Variants in LRBA observed in about 807,000 individuals in gnomAD.
LRBA encodes the protein lipopolysaccharide-responsive and beige-like anchor protein.
LRBA carries 176 observed loss-of-function variants against 330.0 expected under a neutral mutation model. The observed-to-expected ratio is 0.53, with a 90% CI of 0.47 to 0.60. LRBA has a LOEUF of 0.60. Among genes scored for constraint, LRBA ranks in the 20% least tolerant of loss-of-function variants. The pLI is 0.00. For missense variants in LRBA, 3,259 were observed against 3,444.8 expected (o/e 0.95, Z 1.35); for synonymous variants, 1,230 against 1,193.0 (o/e 1.03, Z -0.64).
At chr4:150,458,259 C>G (rs929930581) in intron 44 of LRBA, among the ~76,000 whole-genome samples, 1 of 151,874 alleles carries the variant, frequency 6.6e-6, no homozygotes, top group African/African-American at 2.4e-5. Context: ...AAAAGCAAAA[C>G]TTCAACAAAT....
intron 40 of LRBA, among the ~76,000 whole-genome samples, chr4:150,518,006 T>G (rs1267754197): frequency 6.6e-6 from 1 of 152,208 alleles, no homozygotes; most frequent in African/African-American, 2.4e-5. Context: ...TCTTCACAAT[T>G]TTATAGATAA....
intron 34 of LRBA, among the ~76,000 whole-genome samples, chr4:150,773,680 C>T (rs1578737087): frequency 6.6e-6 from 1 of 152,282 alleles, no homozygotes; most frequent in South Asian, 2.1e-4. Context: ...CCACCTGGGG[C>T]CTTTCCCATC....
intron 47 of LRBA, among the ~76,000 whole-genome samples, chr4:150,385,217 A>T (rs999089767): frequency 2.6e-5 from 4 of 151,526 alleles, no homozygotes; most frequent in African/African-American, 9.7e-5. Context: ...TTTTTCCCAC[A>T]TCACAGATCA....
In LRBA at chr4:151,014,836, C is replaced by T; in HGVS notation, c.-194G>A. ...GGAGAATATTTGTCCAATCTCTCTC[C>T]CCGAGGCTGACAACAACGCCAAACC... On this transcript the variant is annotated 5_prime_UTR_variant, in exon 2 of 57. Coordinates refer to ENST00000651943, the MANE Select transcript of LRBA (RefSeq NM_001364905.1). 1 of 560,926 alleles carries T rather than the reference C, an allele frequency of 1.8e-6. No individual in the cohort carries two copies. 34.7% of individuals were successfully genotyped at this position (560,926 alleles called of 1,614,324 possible).
At chr4:150,623,345 G>T (rs991557350) in intron 37 of LRBA, among the ~76,000 whole-genome samples, 2 of 152,106 alleles carry the variant, frequency 1.3e-5, no homozygotes, top group Non-Finnish European at 2.9e-5. Context: ...AATCTGACAA[G>T]ATTGCAGCAC....
At chr4:150,903,448 T>C (rs1225794066) in intron 13 of LRBA, among the ~76,000 whole-genome samples, 1 of 151,626 alleles carries the variant, frequency 6.6e-6, no homozygotes, top group Non-Finnish European at 1.5e-5. Context: ...AAAAGAAAAA[T>C]GAACAGAGGC....
intron 35 of LRBA, among the ~76,000 whole-genome samples, chr4:150,754,942 C>T (rs1734090364): frequency 6.6e-6 from 1 of 152,122 alleles, no homozygotes; most frequent in Non-Finnish European, 1.5e-5. Flanking sequence ...ATATTCTAGC[C>T]ACACTGTTTA....
intron 51 of LRBA, 93 bp downstream of exon 51, chr4:150,315,468 C>A (rs1731599399): frequency 1.9e-6 from 2 of 1,058,106 alleles, no homozygotes; most frequent in African/African-American, 3.1e-5. Context: ...ATTCCATTCC[C>A]AGCAACCAGC....
intron 42 of LRBA, among the ~76,000 whole-genome samples, chr4:150,482,197 T>C (rs752545933): frequency 4.6e-5 from 7 of 152,096 alleles, no homozygotes; most frequent in Non-Finnish European, 8.8e-5. Flanking sequence ...CAATTCTTCC[T>C]CTTTTCCCAT....
chr4:150,586,651 G>A (rs184126484), intron 40 of LRBA, among the ~76,000 whole-genome samples: 2 of 152,238 alleles, frequency 1.3e-5, no homozygotes, highest in East Asian at 1.9e-4. Context: ...TAATGATGCT[G>A]TACAGAATCA....
At chr4:150,961,785 A>G (rs369082281) in intron 2 of LRBA, among the ~76,000 whole-genome samples, 1 of 149,658 alleles carries the variant, frequency 6.7e-6, no homozygotes. Flanking sequence ...GATGAAGAAG[A>G]GAACAGAAAG....
At chr4:150,520,967 T>G (rs891189187) in intron 40 of LRBA, among the ~76,000 whole-genome samples, 6 of 152,170 alleles carry the variant, frequency 3.9e-5, no homozygotes, top group Admixed American at 3.9e-4. Context: ...CTAATTAGGT[T>G]ATTTATTTTT....
chr4:150,880,063 C>T (rs552283584), intron 17 of LRBA, among the ~76,000 whole-genome samples: 1 of 152,048 alleles, frequency 6.6e-6, no homozygotes, highest in East Asian at 1.9e-4. Context: ...GTCAATGGAA[C>T]AAAATAGAGA....
intron 47 of LRBA, among the ~76,000 whole-genome samples, chr4:150,368,033 T>TA (rs1433078172): frequency 6.6e-6 from 1 of 152,148 alleles, no homozygotes; most frequent in African/African-American, 2.4e-5. Flanking sequence ...CCATGTGCTA[T>TA]AAAAAAGGAT....
chr4:150,998,035 C>T (rs1025259922), intron 2 of LRBA, among the ~76,000 whole-genome samples: 1 of 151,886 alleles, frequency 6.6e-6, no homozygotes, highest in Non-Finnish European at 1.5e-5. Context: ...GCTATGAAAA[C>T]TCTTTTTTTT....
At chr4:150,908,975 T>C in intron 9 of LRBA, 118 bp from the exon 10 acceptor site, 1 of 627,880 alleles carries the variant, frequency 1.6e-6, no homozygotes, top group Non-Finnish European at 2.7e-6. Flanking sequence ...CAGTATTATA[T>C]AAGAGGACCC....
intron 2 of LRBA, among the ~76,000 whole-genome samples, chr4:150,946,835 A>G (rs1051504380): frequency 1.1e-4 from 17 of 152,012 alleles, no homozygotes; most frequent in Non-Finnish European, 1.0e-4. Flanking sequence ...AAACCTTGGC[A>G]GGACTTAAAA....
At chr4:150,800,659 A>G (rs1038901200) in intron 33 of LRBA, among the ~76,000 whole-genome samples, 46 of 152,264 alleles carry the variant, frequency 3.0e-4, no homozygotes, top group African/African-American at 1.1e-3. Flanking sequence ...CATTTTATAC[A>G]CCCACAAACA....
In LRBA at chr4:150,908,690, A is replaced by G. The variant is rs373877713; in HGVS notation, c.1329T>C (p.Phe443=). The G allele has an allele frequency of 5.0e-6, 8 of 1,613,862 alleles. No individual in the cohort carries two copies. The highest frequency in any genetic ancestry group is 6.8e-6 in the Non-Finnish European group (8 of 1,179,890). Residue 443 remains phenylalanine (F), a synonymous_variant, in exon 10 of 57, where the codon TTT becomes TTC. Coordinates refer to ENST00000651943, the MANE Select transcript of LRBA (RefSeq NM_001364905.1). ...GCATGAGTGCATGTGGTGAATGAACAAAAATTGAAGGGTTGTCCTTAGGAG... is the reference window on the plus strand; with the variant it reads ...GCATGAGTGCATGTGGTGAATGAACGAAAATTGAAGGGTTGTCCTTAGGAG... ...ESSPKDNPSI[F]VHSPHALMLQ... is the part of the protein sequence containing the mutation.
Sources: allele counts gnomAD v4.1 joint callset (sites outside exome capture counted in the v4.1 genomes callset), GRCh38; gene constraint gnomAD v4.1.1; transcripts MANE v1.5; gene names NCBI Gene and HGNC (gene_info 2026-07-23, HGNC 2026-07-21).